Variants in PLSCR2 observed in about 807,000 individuals in gnomAD.
PLSCR2 encodes the protein phospholipid scramblase 2, also known as PL scramblase 2.
PLSCR2 carries 18 observed loss-of-function variants against 25.3 expected under a neutral mutation model. The ratio of observed to expected loss-of-function variants is 0.71; its 90% CI spans 0.49 to 1.06. The LOEUF (loss-of-function observed/expected upper bound fraction) is 1.06. Ranked by LOEUF, PLSCR2 falls within the 50% of genes least tolerant of loss-of-function variation. PLSCR2 has a pLI of 0.00. For missense variants in PLSCR2, 243 were observed against 269.5 expected, an observed-to-expected ratio of 0.90 and a Z score of 0.69; for synonymous variants, 88 against 87.3, an observed-to-expected ratio of 1.01 and a Z score of -0.04.
chr3:146,449,549 CTG>C (rs1418037411), intron 5 of PLSCR2, among the ~76,000 whole-genome samples, 182 bp from the exon 6 acceptor site: 18 of 151,988 alleles, frequency 1.2e-4, no homozygotes, highest in African/African-American at 4.3e-4. Flanking sequence ...ACATAAAAAA[CTG>C]TTCTATTGTG....
chr3:146,461,918 C>T (rs1349079985), upstream of PLSCR2: 3 of 1,500,026 alleles, frequency 2.0e-6, no homozygotes, highest in East Asian at 7.5e-5. Flanking sequence ...CTGGAATTTA[C>T]AAGGGAAAAC....
chr3:146,423,704 C>A (rs1366495568), intron 2 of PLSCR2, among the ~76,000 whole-genome samples: 1 of 152,006 alleles, frequency 6.6e-6, no homozygotes, highest in Non-Finnish European at 1.5e-5. Context: ...TAATTCCAAG[C>A]TTCCTTTAAA....
At chr3:146,440,608 T>G (rs34740686), downstream of PLSCR2, among the ~76,000 whole-genome samples, 87,735 of 151,952 alleles carry the variant, frequency 0.58, 25,752 homozygotes, top group South Asian at 0.76. Context: ...TGTGCCATTT[T>G]CTCAGTTGGA....
downstream of PLSCR2, among the ~76,000 whole-genome samples, chr3:146,438,290 C>G (rs2040011798): frequency 6.6e-6 from 1 of 152,144 alleles, no homozygotes; most frequent in Admixed American, 6.5e-5. Flanking sequence ...TCTATCAGGT[C>G]TGCTTGGTGC....
At chr3:146,493,859 A>T (rs961212066) in intron 1 of PLSCR2, among the ~76,000 whole-genome samples, 25 of 124,498 alleles carry the variant, frequency 2.0e-4, no homozygotes, top group African/African-American at 7.6e-4. Flanking sequence ...ATGTCACTGG[A>T]TTCATTCCAT....
chr3:146,486,904 C>T (rs1003513828), intron 1 of PLSCR2, among the ~76,000 whole-genome samples: 1 of 152,068 alleles, frequency 6.6e-6, no homozygotes, highest in Non-Finnish European at 1.5e-5. Context: ...AACATCAAGG[C>T]TAAAATCCTC....
intron 5 of PLSCR2, among the ~76,000 whole-genome samples, chr3:146,452,663 G>A (rs1281998721): frequency 6.6e-6 from 1 of 152,036 alleles, no homozygotes; most frequent in East Asian, 1.9e-4. Flanking sequence ...AAGAGCTACT[G>A]AATGAAATCT....
At chr3:146,461,977 G>C, upstream of PLSCR2, 1 of 1,194,436 alleles carries the variant, frequency 8.4e-7, no homozygotes, top group South Asian at 1.6e-5. Flanking sequence ...AAATGACAAA[G>C]AACAAGTCAA....
chr3:146,480,480 A>C (rs2043090881), intron 1 of PLSCR2, among the ~76,000 whole-genome samples: 1 of 152,218 alleles, frequency 6.6e-6, no homozygotes. Context: ...ATAAACTAGA[A>C]AATCTAGAAG....
intron 1 of PLSCR2, among the ~76,000 whole-genome samples, chr3:146,466,330 C>T (rs2041866918): frequency 1.3e-5 from 2 of 152,158 alleles, no homozygotes; most frequent in Non-Finnish European, 2.9e-5. Context: ...GCCCCCACAC[C>T]TGGGTAATTT....
In PLSCR2 at chr3:146,458,408, T is replaced by A. The variant is rs367794013; in HGVS notation, c.100+3A>T. 4.8e-5 allele frequency: 72 copies of A among 1,505,856 alleles called. No individual in the cohort carries two copies. The highest frequency in any genetic ancestry group is 6.3e-5 in the Non-Finnish European group (70 of 1,108,042). 93.3% of individuals were successfully genotyped at this position (1,505,856 alleles called of 1,614,324 possible). ...AACTATGAGCAATACAATTAATACA[T>A]ACCTTCCAGAAGTTCAATTTGCTGA... is the stretch of plus-strand genomic sequence containing the variant. On this transcript the variant is annotated splice_donor_region_variant and intron_variant, in intron 3 of 6. Transcript: ENST00000610787.
chr3:146,399,398 T>C (rs532676401), intron 2 of PLSCR2, among the ~76,000 whole-genome samples: 26 of 151,978 alleles, frequency 1.7e-4, no homozygotes, highest in African/African-American at 6.0e-4. Context: ...CAAATTATAC[T>C]GTTATGTGTT....
At chr3:146,478,099 T>G (rs2042986256) in intron 1 of PLSCR2, among the ~76,000 whole-genome samples, 2 of 152,182 alleles carry the variant, frequency 1.3e-5, no homozygotes, top group African/African-American at 4.8e-5. Context: ...AAACCCCATC[T>G]GTAGGTCACC....
intron 3 of PLSCR2, among the ~76,000 whole-genome samples, chr3:146,392,023 G>C (rs1485320393): frequency 6.6e-6 from 1 of 151,828 alleles, no homozygotes; most frequent in Admixed American, 6.6e-5. Flanking sequence ...AATATTCTGA[G>C]TATTTGTGTC....
At chr3:146,439,364 G>A (rs1303171669), downstream of PLSCR2, among the ~76,000 whole-genome samples, 1 of 152,238 alleles carries the variant, frequency 6.6e-6, no homozygotes, top group Non-Finnish European at 1.5e-5. Flanking sequence ...ATATCCTGAA[G>A]TGTGTTTTCC....
chr3:146,464,074 A>G (rs2108447761), upstream of PLSCR2: 1 of 542,100 alleles, frequency 1.8e-6, no homozygotes, highest in Non-Finnish European at 2.4e-6. Flanking sequence ...TCCAGTTTGC[A>G]TTAACTGGTC....
chr3:146,420,885 G>A (rs1576590589), intron 2 of PLSCR2, among the ~76,000 whole-genome samples: 1 of 152,098 alleles, frequency 6.6e-6, no homozygotes, highest in East Asian at 1.9e-4. Context: ...AAAAAGATTC[G>A]TAGTTGGTTC....
intron 1 of PLSCR2, 72 bp from the exon 2 acceptor site, chr3:146,460,155 GT>G: frequency 1.4e-6 from 2 of 1,379,868 alleles, no homozygotes; most frequent in Non-Finnish European, 1.9e-6. Context: ...AATAACCCCA[GT>G]TATCTACAAA....
At chr3:146,425,814 G>C (rs577266270) in intron 2 of PLSCR2, among the ~76,000 whole-genome samples, 1 of 152,232 alleles carries the variant, frequency 6.6e-6, no homozygotes, top group Admixed American at 6.5e-5. Flanking sequence ...CTCAGATAAA[G>C]ATGAAGAACC....
Sources: allele counts gnomAD v4.1 joint callset (sites outside exome capture counted in the v4.1 genomes callset), GRCh38; gene constraint gnomAD v4.1.1; transcripts MANE v1.5; gene names NCBI Gene and HGNC (gene_info 2026-07-23, HGNC 2026-07-21).